The following DISP3 variants were observed in gnomAD, a reference collection of about 807,000 sequenced individuals.
DISP3 encodes the protein dispatched RND transporter family member 3, also known as protein dispatched homolog 3.
DISP3 carries 101 observed loss-of-function variants against 135.3 expected under a neutral mutation model. That is an observed-to-expected ratio of 0.75 (90% CI 0.64 to 0.88). DISP3 has a LOEUF of 0.88. Among genes scored for constraint, DISP3 ranks in the 40% least tolerant of loss-of-function variants. The pLI is 0.00. For missense variants in DISP3, 1,713 were observed against 1,878.6 expected (o/e 0.91, Z 1.63); for synonymous variants, 856 against 817.0 (o/e 1.05, Z -0.81).
Position 11,516,637 on chromosome 1 carries a change from C to T in DISP3, c.1749+476C>T, listed in dbSNP as rs766809605. ...CATTTTCCTCCCTTGTGCTGACTTC[C>T]TCTTGCTGCCTCTGAGTGGGGCTTA... On this transcript the variant is annotated intron_variant, in intron 6 of 20. Transcript: ENST00000294484. The surrounding 1 kb of genome is among the most constrained non-coding windows in gnomAD (Gnocchi z 5.1). Among the ~76,000 whole-genome samples, 10 of 152,210 alleles carry T rather than the reference C, an allele frequency of 6.6e-5. No homozygotes were observed. Among genetic ancestry groups the T allele is most frequent in the Non-Finnish European group, 1.3e-4 (9 of 68,040 alleles).
intron 7 of DISP3, among the ~76,000 whole-genome samples, chr1:11,518,664 C>A (rs1642082117): frequency 6.6e-6 from 1 of 152,208 alleles, no homozygotes. Flanking sequence ...CAGCCTCCTC[C>A]CTCGGCAGCC....
intron 3 of DISP3, among the ~76,000 whole-genome samples, chr1:11,507,021 T>G (rs147469921): frequency 2.6e-5 from 4 of 152,192 alleles, no homozygotes; most frequent in Non-Finnish European, 4.4e-5. Context: ...TTGCCCACAC[T>G]GGTCTCAAAC....
rs41274536 is a variant in DISP3, at chr1:11,535,030, C to T, written c.3555C>T (p.Cys1185=). The stretch of plus-strand genomic sequence containing the variant: ...TTGCAGGGGTGCAGAGCGCCCTGTG[C>T]GGCCTGGTGCTATCCCTGCTCATCT... ...MEIVGVQSAL[C]GLVLSLLICV... is the part of the protein sequence containing the mutation. Residue 1185 remains cysteine, a synonymous_variant, in exon 19 of 21, where the codon TGC becomes TGT. Coordinates refer to ENST00000294484, the MANE Select transcript of DISP3 (RefSeq NM_020780.2). The T allele has an allele frequency of 3.0e-3, 4,846 of 1,593,398 alleles. 11 individuals carry two copies. Among genetic ancestry groups the T allele is most frequent in the Middle Eastern group, 6.3e-3 (38 of 6,034 alleles).
At chr1:11,489,482 AG>A (rs1419679296) in intron 1 of DISP3, among the ~76,000 whole-genome samples, 1 of 152,202 alleles carries the variant, frequency 6.6e-6, no homozygotes, top group Non-Finnish European at 1.5e-5. Flanking sequence ...CCACTTGGCC[AG>A]GCCCCTGTGC....
intron 17 of DISP3, chr1:11,533,870 C>T (rs768035747): frequency 5.2e-5 from 37 of 717,254 alleles, no homozygotes; most frequent in Non-Finnish European, 8.6e-5. Flanking sequence ...GAGCACCTCT[C>T]GGGACTGGGC....
chr1:11,482,097 C>T (rs1165980248), intron 1 of DISP3: 1 of 152,152 alleles, frequency 6.6e-6, no homozygotes, highest in Non-Finnish European at 1.5e-5. Flanking sequence ...GGTTTAAGCC[C>T]CTTTCTCTGC....
chr1:11,502,725 G>A lies in DISP3; in HGVS notation c.1144G>A (p.Asp382Asn), dbSNP rs766653196. The A allele has an allele frequency of 1.9e-6, 3 of 1,614,194 alleles. No homozygotes were observed. In the South Asian group the frequency reaches 3.3e-5, roughly 18 times the overall value. Residue 382 changes from aspartate to asparagine, a missense_variant, in exon 3 of 21, where the codon GAT (aspartate) becomes AAT (asparagine). Physicochemically the swap from Asp to Asn is conservative, Grantham distance 23. This residue lies in a region of DISP3 where 1,142 missense variants were observed against 1,384.6 expected (regional missense o/e 0.82). Transcript: ENST00000294484. ...MTHPEFYWYV[D>N]EGLSADNLKS... Reference sequence around the variant, plus strand: ...TCACCCTGAGTTCTACTGGTATGTGGATGAGGGCCTCTCTGCAGACAATCT... The same window carrying A: ...TCACCCTGAGTTCTACTGGTATGTGAATGAGGGCCTCTCTGCAGACAATCT...
At position 11,529,658 on chromosome 1, in the gene DISP3, A is replaced by T; in HGVS notation, c.2901A>T (p.Lys967Asn). 2.5e-6 allele frequency: 4 copies of T among 1,608,026 alleles called. No individual in the cohort carries two copies. Among genetic ancestry groups the T allele is most frequent in the Non-Finnish European group, 3.4e-6 (4 of 1,175,294 alleles). Reference protein sequence around the residue: ...LLSSSPDGPTKGFFFVPSEKV... With the variant: ...LLSSSPDGPTNGFFFVPSEKV... ...GCTCCAGCCCCGATGGGCCTACCAA[A>T]GGCTTCTTCTTCGTGCCTAGTGAGA... is the stretch of plus-strand genomic sequence containing the variant. The change falls in exon 14 of 21, where the codon AAA becomes AAT. Residue 967 changes from lysine to asparagine, a missense_variant. Transcript: ENST00000294484. This position sits in a 1 kb window ranked among gnomAD's most constrained non-coding sequence, Gnocchi z 4.7.
Position 11,501,877 on chromosome 1 carries a change from G to T in DISP3, c.885G>T (p.Leu295=). 2 of 1,613,286 alleles carry T rather than the reference G, an allele frequency of 1.2e-6. No homozygotes were observed. The highest frequency in any genetic ancestry group is 1.7e-6 in the Non-Finnish European group (2 of 1,179,738). The part of the protein sequence containing the change: ...AERNIFTSER[L]VTIHEIERKI... The stretch of plus-strand genomic sequence containing the variant: ...GCAACATTTTCACCAGTGAGCGCCT[G>T]GTCACGATCCATGAGATCGAGCGCA... Residue 295 remains leucine (L), a synonymous_variant, in exon 2 of 21, where the codon CTG becomes CTT. Coordinates refer to ENST00000294484, the MANE Select transcript of DISP3 (RefSeq NM_020780.2). This position sits in a 1 kb window ranked among gnomAD's most constrained non-coding sequence, Gnocchi z 4.9.
Position 11,531,794 on chromosome 1 carries a change from C to A in DISP3, c.3375+84C>A, listed in dbSNP as rs72866416. On this transcript the variant is annotated intron_variant, in intron 17 of 20. Transcript: ENST00000294484. This position sits in a 1 kb window ranked among gnomAD's most constrained non-coding sequence, Gnocchi z 5.2. ...TCTGATCCCAGCCCTCTTCCCAGATCGGGGGGGAGATGCTGAGGCCCAGAG... is the reference window on the plus strand; with the variant it reads ...TCTGATCCCAGCCCTCTTCCCAGATAGGGGGGGAGATGCTGAGGCCCAGAG... The A allele has an allele frequency of 7.2e-4, 1,080 of 1,495,188 alleles. 14 individuals carry two copies. The African/African-American group carries it at 0.013, about 17-fold the overall frequency. 92.6% of individuals were successfully genotyped at this position (1,495,188 alleles called of 1,614,324 possible). A position where few individuals can be genotyped will look rare whatever the true frequency, so the allele number is the denominator to read the frequency against.
intron 6 of DISP3, 109 bp from the exon 7 acceptor site, chr1:11,517,354 G>A (rs1642040813): frequency 2.8e-6 from 4 of 1,450,804 alleles, no homozygotes; most frequent in African/African-American, 2.8e-5. Flanking sequence ...TACTGCCTCA[G>A]TCTGGGCCAG....
chr1:11,536,942 C>A lies in DISP3; in HGVS notation c.*256C>A, dbSNP rs1330627147. The stretch of plus-strand genomic sequence containing the variant: ...CTTTTTGCCCAGTGGCAGAAGAGAC[C>A]AGCCCTCCTCCCATGCCCGGTCACC... On this transcript the variant is annotated 3_prime_UTR_variant, in exon 21 of 21. Coordinates refer to ENST00000294484, the MANE Select transcript of DISP3 (RefSeq NM_020780.2). The surrounding 1 kb of genome is among the most constrained non-coding windows in gnomAD (Gnocchi z 4.3). 1 of 547,552 alleles carries A rather than the reference C, an allele frequency of 1.8e-6. No homozygotes were observed. Among genetic ancestry groups the A allele is most frequent in the Non-Finnish European group, 3.2e-6 (1 of 312,164 alleles). The allele number at this position is 547,552 out of a possible 1,614,324, so 33.9% of individuals were successfully genotyped here.
chr1:11,536,225 G>A lies in DISP3; in HGVS notation c.3817-99G>A. 1.4e-6 allele frequency: 2 copies of A among 1,471,496 alleles called. No individual in the cohort carries two copies. The highest frequency in any genetic ancestry group is 2.4e-5 in the East Asian group (1 of 41,414). 91.2% of individuals were successfully genotyped at this position (1,471,496 alleles called of 1,614,324 possible). On this transcript the variant is annotated intron_variant, in intron 20 of 20. Transcript: ENST00000294484. This position sits in a 1 kb window ranked among gnomAD's most constrained non-coding sequence, Gnocchi z 4.3. Reference sequence around the variant, plus strand: ...TTGCAGCTCTCATCCCAGTAACAGAGCAGGAACCTGGCGTGGGGTGGGGGT... The same window carrying A: ...TTGCAGCTCTCATCCCAGTAACAGAACAGGAACCTGGCGTGGGGTGGGGGT...
At chr1:11,480,154 G>A (rs1640855816) in intron 1 of DISP3, among the ~76,000 whole-genome samples, 1 of 152,166 alleles carries the variant, frequency 6.6e-6, no homozygotes, top group Non-Finnish European at 1.5e-5. Flanking sequence ...GCCTCCTTGG[G>A]GGCTTCTCTT....
chr1:11,528,942 ACT>A (rs781307079), intron 13 of DISP3, among the ~76,000 whole-genome samples: 1 of 152,116 alleles, frequency 6.6e-6, no homozygotes, highest in Non-Finnish European at 1.5e-5. Flanking sequence ...TGGGACCCTG[ACT>A]CGGGGGTGGG....
At chr1:11,534,344 C>T in intron 17 of DISP3, 37 bp from the exon 18 acceptor site, 2 of 1,613,166 alleles carry the variant, frequency 1.2e-6, no homozygotes, top group South Asian at 2.2e-5. Flanking sequence ...GGGCCACAGT[C>T]CCTGCCTGTC....
chr1:11,504,509 C>T (rs915782086), intron 3 of DISP3, among the ~76,000 whole-genome samples: 1 of 152,192 alleles, frequency 6.6e-6, no homozygotes, highest in African/African-American at 2.4e-5. Flanking sequence ...TATGCTTTGT[C>T]CCCCGCAAAA....
chr1:11,502,654 G>A, intron 2 of DISP3, 24 bp from the exon 3 acceptor site: 1 of 1,603,978 alleles, frequency 6.2e-7, no homozygotes, highest in East Asian at 2.2e-5. Context: ...TGAACTCTTG[G>A]GGCCCCCACC....
chr1:11,505,885 C>G (rs1641684255), intron 3 of DISP3, among the ~76,000 whole-genome samples: 1 of 152,152 alleles, frequency 6.6e-6, no homozygotes. Context: ...ATGTTTCCCT[C>G]TGGGATCATT....
Sources: allele counts gnomAD v4.1 joint callset (sites outside exome capture counted in the v4.1 genomes callset), GRCh38; gene constraint gnomAD v4.1.1; regional missense constraint gnomAD v4.1.1; non-coding constraint Gnocchi (gnomAD v3.1); transcripts MANE v1.5; gene names NCBI Gene and HGNC (gene_info 2026-07-23, HGNC 2026-07-21).